Variants in PTPRM observed in about 807,000 individuals in gnomAD.
PTPRM encodes receptor-type tyrosine-protein phosphatase mu.
PTPRM carries 47 observed loss-of-function variants against 186.7 expected under a neutral mutation model. The ratio of observed to expected loss-of-function variants is 0.25; its 90% CI spans 0.20 to 0.32. PTPRM has a LOEUF of 0.32. Among genes scored for constraint, PTPRM ranks in the 10% least tolerant of loss-of-function variants. PTPRM has a pLI of 1.00. For synonymous variants in PTPRM, 668 were observed against 674.9 expected, an observed-to-expected ratio of 0.99 and a Z score of 0.16; for missense variants, 1,494 against 1,865.0, an observed-to-expected ratio of 0.80 and a Z score of 3.66.
intron 1 of PTPRM, among the ~76,000 whole-genome samples, chr18:7,730,587 C>T (rs75204063): frequency 1.3e-3 from 191 of 152,238 alleles, no homozygotes; most frequent in East Asian, 0.012. Context: ...ACTCTTCATT[C>T]GAATTTAGAA....
chr18:8,219,206 G>A (rs745876671), intron 14 of PTPRM, among the ~76,000 whole-genome samples: 7 of 152,234 alleles, frequency 4.6e-5, no homozygotes, highest in South Asian at 2.1e-4. Flanking sequence ...GGTGGCTTAC[G>A]CCTGTAATCC....
chr18:7,765,723 G>T (rs1030250457), intron 1 of PTPRM, among the ~76,000 whole-genome samples: 5 of 152,072 alleles, frequency 3.3e-5, no homozygotes, highest in Non-Finnish European at 7.4e-5. Context: ...CTTTTGGGGG[G>T]TACTGTAGCA....
chr18:8,228,677 T>TAA (rs55669801), intron 14 of PTPRM, among the ~76,000 whole-genome samples: 1,651 of 130,566 alleles, frequency 0.013, 28 homozygotes, highest in African/African-American at 0.039. Context: ...CAAACTCTAC[T>TAA]AAAAAAAAAA....
chr18:8,248,751 T>C (rs952456097), intron 17 of PTPRM, among the ~76,000 whole-genome samples: 1 of 152,106 alleles, frequency 6.6e-6, no homozygotes, highest in Admixed American at 6.5e-5. Flanking sequence ...TGTCACACAG[T>C]GGAATTTCAA....
At chr18:7,675,317 T>G (rs1258901747) in intron 1 of PTPRM, among the ~76,000 whole-genome samples, 1 of 152,118 alleles carries the variant, frequency 6.6e-6, no homozygotes, top group Non-Finnish European at 1.5e-5. Flanking sequence ...TCACACAACT[T>G]GCTGGAAACT....
intron 7 of PTPRM, among the ~76,000 whole-genome samples, chr18:8,016,976 A>G (rs746318584): frequency 4.6e-5 from 7 of 152,292 alleles, no homozygotes; most frequent in Middle Eastern, 6.8e-3. Context: ...TACATAATAC[A>G]GTAATAGTTA....
intron 1 of PTPRM, among the ~76,000 whole-genome samples, chr18:7,576,595 C>T (rs1242468119): frequency 1.3e-5 from 2 of 152,108 alleles, no homozygotes; most frequent in East Asian, 3.9e-4. Flanking sequence ...CCCACCTCAG[C>T]CTCCTGAGCA....
At position 7,567,996 on chromosome 18, in the gene PTPRM, CCGGGCGGGGGGCGCGG is replaced by C. The variant is rs1265589656; in HGVS notation, c.73+111_73+126del. 6 of 1,126,992 alleles carry C rather than the reference CCGGGCGGGGGGCGCGG, an allele frequency of 5.3e-6. No homozygotes were observed. The African/African-American group carries it at 8.3e-5, about 16-fold the overall frequency. The allele number at this position is 1,126,992 out of a possible 1,614,324, so 69.8% of individuals were successfully genotyped here. Reference sequence around the variant, plus strand: ...TAGAGCCCTAAGGCTGGCGTCGGGGCCGGGCGGGGGGCGCGGCGGGCCGGACACCGCTTCTGCCTGT... The same window carrying C: ...TAGAGCCCTAAGGCTGGCGTCGGGGCCGGGCCGGACACCGCTTCTGCCTGT... On this transcript the variant is annotated intron_variant, in intron 1 of 32. Coordinates refer to ENST00000580170, the MANE Select transcript of PTPRM (RefSeq NM_001105244.2). The surrounding 1 kb of genome is among the most constrained non-coding windows in gnomAD (Gnocchi z 4.3).
chr18:7,741,397 C>T (rs1323823037), intron 1 of PTPRM: 7 of 152,128 alleles, frequency 4.6e-5, no homozygotes, highest in South Asian at 2.1e-4. Context: ...TTTGTCTTTT[C>T]GGCTGAGCAA....
intron 14 of PTPRM, among the ~76,000 whole-genome samples, chr18:8,182,972 C>T (rs376802893): frequency 1.2e-4 from 18 of 152,182 alleles, no homozygotes; most frequent in Middle Eastern, 3.4e-3. Context: ...CATTGTTTTT[C>T]GCGCAGTGTG....
intron 7 of PTPRM, among the ~76,000 whole-genome samples, chr18:7,989,798 C>T (rs1194972087): frequency 6.6e-6 from 1 of 152,132 alleles, no homozygotes; most frequent in Non-Finnish European, 1.5e-5. Context: ...TCTCATACTC[C>T]TCACTTCACC....
At chr18:7,871,117 A>C (rs1477309134) in intron 2 of PTPRM, among the ~76,000 whole-genome samples, 4 of 152,226 alleles carry the variant, frequency 2.6e-5, no homozygotes. Context: ...AGAAAGCCAT[A>C]ATGTGATTCC....
intron 1 of PTPRM, among the ~76,000 whole-genome samples, chr18:7,614,693 G>C (rs575079317): frequency 6.6e-6 from 1 of 152,162 alleles, no homozygotes; most frequent in Non-Finnish European, 1.5e-5. Context: ...TCAGTATACT[G>C]TTCATTTTTC....
At chr18:7,905,845 A>C (rs1472171455) in intron 3 of PTPRM, among the ~76,000 whole-genome samples, 1 of 152,134 alleles carries the variant, frequency 6.6e-6, no homozygotes, top group Non-Finnish European at 1.5e-5. Context: ...TTACTACCCC[A>C]CATGGTCCAG....
intron 7 of PTPRM, among the ~76,000 whole-genome samples, chr18:7,998,302 C>T (rs1169735274): frequency 6.6e-6 from 1 of 151,936 alleles, no homozygotes; most frequent in Admixed American, 6.6e-5. Context: ...GTTACAGGTT[C>T]TACTCATATG....
intron 20 of PTPRM, among the ~76,000 whole-genome samples, chr18:8,297,792 A>G (rs570248873): frequency 2.0e-4 from 30 of 152,342 alleles, no homozygotes; most frequent in Admixed American, 5.9e-4. Context: ...CCCTCCGGCC[A>G]TCAAGAAAGC....
At chr18:8,228,575 G>A (rs868210761) in intron 14 of PTPRM, among the ~76,000 whole-genome samples, 1 of 151,866 alleles carries the variant, frequency 6.6e-6, no homozygotes, top group Non-Finnish European at 1.5e-5. Context: ...GGGTGTGGTG[G>A]CTCACACCTG....
At chr18:7,570,647 A>G (rs2036544663) in intron 1 of PTPRM, among the ~76,000 whole-genome samples, 1 of 152,226 alleles carries the variant, frequency 6.6e-6, no homozygotes, top group Non-Finnish European at 1.5e-5. Flanking sequence ...TCTTTAGGCC[A>G]ATGGACTAAT....
At chr18:7,818,116 C>T (rs1475664196) in intron 2 of PTPRM, among the ~76,000 whole-genome samples, 1 of 152,046 alleles carries the variant, frequency 6.6e-6, no homozygotes, top group Non-Finnish European at 1.5e-5. Context: ...GGAGGAAGCT[C>T]TTCATTAGAG....
Sources: allele counts gnomAD v4.1 joint callset (sites outside exome capture counted in the v4.1 genomes callset), GRCh38; gene constraint gnomAD v4.1.1; non-coding constraint Gnocchi (gnomAD v3.1); transcripts MANE v1.5; gene names NCBI Gene and HGNC (gene_info 2026-07-23, HGNC 2026-07-21).